The following POPDC2 variants were observed in gnomAD, a reference collection of about 807,000 sequenced individuals.
POPDC2 encodes popeye domain cAMP effector 2, also known as popeye domain-containing protein 2.
Under a neutral mutation model 30.5 loss-of-function variants are expected in POPDC2, and 24 were observed. The observed-to-expected ratio is 0.79, with a 90% confidence interval of 0.57 to 1.11. The LOEUF (loss-of-function observed/expected upper bound fraction) is 1.11. Ranked by LOEUF, POPDC2 falls within the 50% of genes least tolerant of loss-of-function variation. The probability of loss-of-function intolerance (pLI) is 0.00; values close to 1 mark genes in which losing one functional copy is unlikely to be tolerated. For missense variants in POPDC2, 409 were observed against 447.0 expected (o/e 0.91, Z 0.77); for synonymous variants, 185 against 183.3 (o/e 1.01, Z -0.07).
intron 3 of POPDC2, among the ~76,000 whole-genome samples, 169 bp from the exon 4 acceptor site, chr3:119,642,730 T>C (rs2052704455): frequency 6.6e-6 from 1 of 152,230 alleles, no homozygotes; most frequent in Non-Finnish European, 1.5e-5. Context: ...CATTTCATAC[T>C]AGAATATTAG....
chr3:119,655,079 C>T (rs1420953029), intron 1 of POPDC2, among the ~76,000 whole-genome samples: 2 of 152,198 alleles, frequency 1.3e-5, no homozygotes, highest in African/African-American at 4.8e-5. Context: ...GTAATCCCAG[C>T]ACTTTGGGAG....
rs79992064 is a variant in POPDC2 at position 119,659,352 on chromosome 3, G to A, written c.491+581C>T. 2.6e-5 allele frequency among the ~76,000 whole-genome samples: 4 copies of A among 152,288 alleles called. No individual in the cohort carries two copies. The East Asian group carries it at 7.7e-4, about 29-fold the overall frequency. On this transcript the variant is annotated intron_variant, in intron 1 of 3. Transcript: ENST00000493094. ...CAACTGGAAATGGAAAGGTGGGCAAGGGGTATTCACTCTCCCTACCTGGCT... is the reference window on the plus strand; with the variant it reads ...CAACTGGAAATGGAAAGGTGGGCAAAGGGTATTCACTCTCCCTACCTGGCT...
At chr3:119,658,883 C>CCATTGTGT (rs1222981236) in intron 1 of POPDC2, among the ~76,000 whole-genome samples, 1 of 150,118 alleles carries the variant, frequency 6.7e-6, no homozygotes, top group Non-Finnish European at 1.5e-5. Context: ...ACTTTTTTCT[C>CCATTGTGT]CATTGTGTGG....
At chr3:119,643,459 G>C in intron 3 of POPDC2, 3 of 1,438,648 alleles carry the variant, frequency 2.1e-6, no homozygotes, top group African/African-American at 1.4e-5. Context: ...TCTGATAAAA[G>C]AAAGAGAAAG....
At chr3:119,658,916 CT>C (rs35687726) in intron 1 of POPDC2, among the ~76,000 whole-genome samples, 7,409 of 139,556 alleles carry the variant, frequency 0.053, 530 homozygotes, top group African/African-American at 0.18. Context: ...TCTGGATTTG[CT>C]TTTTTTTTTT....
At position 119,642,478 on chromosome 3, in the gene POPDC2, A is replaced by G; in HGVS notation, c.*127T>C. The G allele has an allele frequency of 1.2e-6, 2 of 1,605,390 alleles. No homozygotes were observed. The highest frequency in any genetic ancestry group is 1.7e-6 in the Non-Finnish European group (2 of 1,172,086). ...CAGAGAAGATAGTCCAATGATCCTT[A>G]AAGTTCAGGCGTGTGGGTTGGAGCC... On this transcript the variant is annotated 3_prime_UTR_variant, in exon 4 of 4. Transcript: ENST00000493094.
chr3:119,645,691 CCCA>C (rs1680014941), intron 3 of POPDC2, among the ~76,000 whole-genome samples: 1 of 152,034 alleles, frequency 6.6e-6, no homozygotes. Flanking sequence ...TTAAACAAGA[CCCA>C]CCACCACAAG....
intron 3 of POPDC2, among the ~76,000 whole-genome samples, chr3:119,645,527 C>A (rs1228788841): frequency 7.0e-6 from 1 of 143,602 alleles, no homozygotes; most frequent in Non-Finnish European, 1.5e-5. Flanking sequence ...CGCGCCACTG[C>A]GCTGCAGCCT....
At chr3:119,643,955 C>A (rs1363948666) in intron 3 of POPDC2, among the ~76,000 whole-genome samples, 1 of 152,200 alleles carries the variant, frequency 6.6e-6, no homozygotes, top group Non-Finnish European at 1.5e-5. Flanking sequence ...AATTTACATT[C>A]TTTCTAAAAT....
At chr3:119,649,143 G>A (rs907992954) in intron 2 of POPDC2, among the ~76,000 whole-genome samples, 2 of 152,182 alleles carry the variant, frequency 1.3e-5, no homozygotes, top group Non-Finnish European at 2.9e-5. Context: ...AGTTGAGTTT[G>A]AGAAAAAGCT....
chr3:119,652,059 T>C (rs1409861667), intron 2 of POPDC2, among the ~76,000 whole-genome samples: 1 of 13,454 alleles, frequency 7.4e-5, no homozygotes, highest in Non-Finnish European at 2.4e-4. Flanking sequence ...AGTATTTAGC[T>C]TTTTTTTTAA....
chr3:119,646,166 G>C (rs1234087199), intron 3 of POPDC2, among the ~76,000 whole-genome samples: 1 of 152,090 alleles, frequency 6.6e-6, no homozygotes, highest in Non-Finnish European at 1.5e-5. Context: ...TAATAAGATG[G>C]GGGTACAGGG....
chr3:119,645,582 AAG>A (rs1491076855), intron 3 of POPDC2, among the ~76,000 whole-genome samples: 258 of 150,512 alleles, frequency 1.7e-3, no homozygotes, highest in Non-Finnish European at 2.9e-3. Flanking sequence ...AAAAAAAAAA[AAG>A]AAAGAAAAAG....
At chr3:119,656,230 C>T (rs913662240) in intron 1 of POPDC2, among the ~76,000 whole-genome samples, 5 of 152,172 alleles carry the variant, frequency 3.3e-5, no homozygotes, top group African/African-American at 1.2e-4. Flanking sequence ...TCTAGCACTA[C>T]CTGAGGCTTA....
chr3:119,643,501 T>G, intron 3 of POPDC2: 1 of 1,176,922 alleles, frequency 8.5e-7, no homozygotes, highest in Non-Finnish European at 1.2e-6. Flanking sequence ...CAATTGTACA[T>G]ACAACAGAAT....
chr3:119,642,969 G>C (rs965891165), intron 3 of POPDC2, among the ~76,000 whole-genome samples: 1 of 152,226 alleles, frequency 6.6e-6, no homozygotes, highest in African/African-American at 2.4e-5. Flanking sequence ...CTGTAAGACA[G>C]AAGTGGAAAC....
At chr3:119,644,489 T>C (rs1194912839) in intron 3 of POPDC2, among the ~76,000 whole-genome samples, 1 of 152,240 alleles carries the variant, frequency 6.6e-6, no homozygotes, top group Non-Finnish European at 1.5e-5. Context: ...TACATTATCC[T>C]GCAGCATAGT....
At chr3:119,652,592 C>G (rs2052825362) in intron 2 of POPDC2, among the ~76,000 whole-genome samples, 1 of 152,158 alleles carries the variant, frequency 6.6e-6, no homozygotes, top group South Asian at 2.1e-4. Flanking sequence ...GGGGAGGACA[C>G]CCGGCTTACC....
chr3:119,648,529 G>A lies in POPDC2; in HGVS notation c.740C>T (p.Thr247Ile). The stretch of plus-strand genomic sequence containing the variant: ...CTTAGCAAAGAGCTTGTCATTGAGA[G>A]TGTAGAGCTTCTCTGAGATGTCATA... Reference protein sequence around the residue: ...LGYDISEKLYTLNDKLFAKFG... With the variant: ...LGYDISEKLYILNDKLFAKFG... Residue 247 changes from threonine (T) to isoleucine (I), a missense_variant, in exon 3 of 4, where the codon ACT becomes ATT. By Grantham distance (89) the Thr-to-Ile change is moderately conservative. Coordinates refer to ENST00000493094, the MANE Select transcript of POPDC2 (RefSeq NM_001369919.2). The A allele has an allele frequency of 1.2e-6, 2 of 1,614,160 alleles. No individual in the cohort carries two copies. Among genetic ancestry groups the A allele is most frequent in the Non-Finnish European group, 1.7e-6 (2 of 1,180,026 alleles).
Sources: gnomAD v4.1 joint callset for allele counts (sites outside exome capture counted in the v4.1 genomes callset) on GRCh38, gnomAD v4.1.1 for gene constraint, MANE v1.5 for transcripts, NCBI Gene and HGNC (gene_info 2026-07-23, HGNC 2026-07-21) for gene names.